SOX5: variants seen among roughly 807,000 people sequenced by gnomAD.
SOX5 encodes the protein transcription factor SOX-5.
In SOX5, 9 loss-of-function variants were observed where a neutral mutation model predicts 92.0. The observed-to-expected ratio is 0.10, with a 90% CI of 0.06 to 0.17. The LOEUF (loss-of-function observed/expected upper bound fraction) is 0.17, where lower values mean the gene tolerates loss of function less well. SOX5 is among the 10% of genes least tolerant of loss of function. The pLI, the probability that SOX5 is intolerant of heterozygous loss-of-function variation, is 1.00. For synonymous variants in SOX5, 344 were observed against 336.3 expected (o/e 1.02, Z -0.25); for missense variants, 642 against 944.5 (o/e 0.68, Z 4.20).
At chr12:23,717,453 T>A (rs1484248441) in intron 6 of SOX5, among the ~76,000 whole-genome samples, 1 of 152,200 alleles carries the variant, frequency 6.6e-6, no homozygotes, top group Non-Finnish European at 1.5e-5. Context: ...TATTCTTACC[T>A]AATTACTGCT....
At chr12:23,954,471 G>A (rs1946042802), upstream of SOX5, among the ~76,000 whole-genome samples, 1 of 151,140 alleles carries the variant, frequency 6.6e-6, no homozygotes. Context: ...AAGAAAGAAA[G>A]AAAGAAAGAA....
In SOX5 at chr12:24,444,097, G is replaced by T. The variant is rs140973952; in HGVS notation, c.-250-75458C>A. Among the ~76,000 whole-genome samples, 706 of 152,244 alleles carry T rather than the reference G, an allele frequency of 4.6e-3. 11 individuals carry two copies. In the East Asian group the frequency reaches 0.051, roughly 11 times the overall value. On this transcript the variant is annotated intron_variant, in intron 1 of 4. Transcript: ENST00000446891. ...TTTTAAGTTTCTCTAAACACACTTC[G>T]TGAAATGCCTAAAAGATGCTAGAAG...
chr12:24,426,453 TA>T (rs1197979161), intron 1 of SOX5, among the ~76,000 whole-genome samples: 1 of 152,210 alleles, frequency 6.6e-6, no homozygotes, highest in African/African-American at 2.4e-5. Flanking sequence ...CCCTAGAACT[TA>T]AAGTATGATT....
chr12:23,603,447 T>TATATATATATATATATATATA (rs532895230), intron 9 of SOX5, among the ~76,000 whole-genome samples: 1 of 70,694 alleles, frequency 1.4e-5, no homozygotes, highest in Non-Finnish European at 2.6e-5. Context: ...ATATATAAAA[T>TATATATATATATATATATATA]ATATATATAT....
chr12:23,839,271 TCTATG>T (rs2096482112), intron 3 of SOX5, among the ~76,000 whole-genome samples: 1 of 151,908 alleles, frequency 6.6e-6, no homozygotes, highest in Non-Finnish European at 1.5e-5. Context: ...AAATTAAGAG[TCTATG>T]TATCCACTTA....
intron 1 of SOX5, among the ~76,000 whole-genome samples, chr12:24,556,445 C>A (rs952518176): frequency 6.6e-6 from 1 of 152,146 alleles, no homozygotes; most frequent in Admixed American, 6.5e-5. Context: ...AACAAACCAA[C>A]CTACAAGTTT....
At chr12:24,319,791 A>G (rs955592870) in intron 2 of SOX5, among the ~76,000 whole-genome samples, 1 of 152,218 alleles carries the variant, frequency 6.6e-6, no homozygotes, top group Non-Finnish European at 1.5e-5. Flanking sequence ...TAAGGCCATC[A>G]TCTTGCACTA....
chr12:23,606,486 T>C (rs573891613), intron 8 of SOX5, among the ~76,000 whole-genome samples: 2 of 151,652 alleles, frequency 1.3e-5, no homozygotes, highest in African/African-American at 4.8e-5. Flanking sequence ...ATAAAGAAAA[T>C]GTGAACAAAA....
At chr12:24,272,910 C>G (rs1461917619) in intron 3 of SOX5, among the ~76,000 whole-genome samples, 4 of 144,162 alleles carry the variant, frequency 2.8e-5, no homozygotes, top group Non-Finnish European at 6.2e-5. Context: ...GTTACCTCTT[C>G]TATCTTTTGA....
chr12:24,438,650 C>T (rs1275008791), intron 1 of SOX5, among the ~76,000 whole-genome samples: 1 of 152,124 alleles, frequency 6.6e-6, no homozygotes, highest in Non-Finnish European at 1.5e-5. Flanking sequence ...TCATGGATGA[C>T]TTTGGCCATG....
intron 9 of SOX5, among the ~76,000 whole-genome samples, chr12:23,578,135 A>C (rs906185715): frequency 2.1e-5 from 3 of 146,026 alleles, no homozygotes; most frequent in African/African-American, 7.5e-5. Flanking sequence ...AAAAAAAAAA[A>C]AAAAAAAAAA....
At chr12:23,735,088 T>C (rs1288246360) in intron 5 of SOX5, among the ~76,000 whole-genome samples, 1 of 152,196 alleles carries the variant, frequency 6.6e-6, no homozygotes, top group Non-Finnish European at 1.5e-5. Context: ...CCCTTTTCTA[T>C]AACAGAGTGT....
chr12:24,332,783 G>C (rs1951474061), intron 2 of SOX5, among the ~76,000 whole-genome samples: 1 of 152,062 alleles, frequency 6.6e-6, no homozygotes, highest in East Asian at 1.9e-4. Flanking sequence ...CTGGACCCCA[G>C]AGAGCAGAAA....
chr12:23,627,695 A>C (rs910648723), intron 8 of SOX5, among the ~76,000 whole-genome samples: 1 of 152,148 alleles, frequency 6.6e-6, no homozygotes, highest in Non-Finnish European at 1.5e-5. Flanking sequence ...TCTTGATCAA[A>C]GATACATGCA....
chr12:24,252,348 A>G (rs1940248557), intron 3 of SOX5, among the ~76,000 whole-genome samples: 1 of 152,176 alleles, frequency 6.6e-6, no homozygotes, highest in Admixed American at 6.5e-5. Context: ...TGCTGTCACA[A>G]TTTGCCTCAC....
chr12:23,569,590 C>T (rs967422043), intron 10 of SOX5, among the ~76,000 whole-genome samples: 3 of 152,190 alleles, frequency 2.0e-5, no homozygotes, highest in African/African-American at 7.2e-5. Flanking sequence ...TTTCCTGTGT[C>T]CCCTCTTGCC....
intron 4 of SOX5, among the ~76,000 whole-genome samples, chr12:24,103,708 GC>G (rs1172309349): frequency 6.6e-6 from 1 of 152,112 alleles, no homozygotes; most frequent in Non-Finnish European, 1.5e-5. Flanking sequence ...TGTACATGGA[GC>G]TTTATATAAC....
intron 1 of SOX5, among the ~76,000 whole-genome samples, chr12:24,466,431 G>A (rs930633099): frequency 6.6e-6 from 1 of 151,928 alleles, no homozygotes; most frequent in Non-Finnish European, 1.5e-5. Context: ...GTAAATAAAC[G>A]TTTTGGAACT....
At chr12:23,864,055 A>G (rs967206149) in intron 2 of SOX5, among the ~76,000 whole-genome samples, 1 of 151,878 alleles carries the variant, frequency 6.6e-6, no homozygotes, top group Non-Finnish European at 1.5e-5. Flanking sequence ...TCATTTTTAC[A>G]GCATGTCTCT....
Sources: gnomAD v4.1 joint callset for allele counts (sites outside exome capture counted in the v4.1 genomes callset) on GRCh38, gnomAD v4.1.1 for gene constraint, MANE v1.5 for transcripts, NCBI Gene and HGNC (gene_info 2026-07-23, HGNC 2026-07-21) for gene names.